Variants in MAP7 observed in about 807,000 individuals in gnomAD.
The protein encoded by MAP7 is microtubule associated protein 7.
MAP7 carries 52 observed loss-of-function variants against 94.8 expected under a neutral mutation model. The observed-to-expected ratio is 0.55, with a 90% CI of 0.44 to 0.69. MAP7 has a LOEUF of 0.69. Among genes scored for constraint, MAP7 ranks in the 30% least tolerant of loss-of-function variants. The pLI is 0.00. For missense variants in MAP7, 940 were observed against 964.6 expected, an observed-to-expected ratio of 0.97 and a Z score of 0.34; for synonymous variants, 350 against 357.0, an observed-to-expected ratio of 0.98 and a Z score of 0.22.
At chr6:136,408,110 C>CA (rs1313255067) in intron 3 of MAP7, among the ~76,000 whole-genome samples, 2 of 151,614 alleles carry the variant, frequency 1.3e-5, no homozygotes, top group Non-Finnish European at 1.5e-5. Context: ...CCTTGGAAAA[C>CA]AAAAAATAAA....
intron 3 of MAP7, among the ~76,000 whole-genome samples, chr6:136,403,346 A>G (rs1423414386): frequency 6.6e-6 from 1 of 152,144 alleles, no homozygotes; most frequent in Non-Finnish European, 1.5e-5. Flanking sequence ...CTTTGCAGCC[A>G]CTCTATGAGG....
intron 16 of MAP7, among the ~76,000 whole-genome samples, chr6:136,354,357 T>C (rs960909621): frequency 2.8e-5 from 4 of 144,272 alleles, no homozygotes; most frequent in Admixed American, 7.1e-5. Context: ...AGGAAATATA[T>C]ATATAGTAGA....
chr6:136,478,712 C>T lies in MAP7; in HGVS notation c.68-56913G>A, dbSNP rs897208299. Among the ~76,000 whole-genome samples the T allele has an allele frequency of 2.0e-5, 3 of 151,742 alleles. No individual in the cohort carries two copies. In the South Asian group the frequency reaches 6.2e-4, roughly 31 times the overall value. ...ATACCTAGAAGAAATGGATAAATTC[C>T]TAGACACACAAATCTACCAAAGTTG... On this transcript the variant is annotated intron_variant, in intron 1 of 17. Coordinates refer to ENST00000354570, the MANE Select transcript of MAP7 (RefSeq NM_003980.6).
chr6:136,507,035 T>C (rs913317452), intron 1 of MAP7, among the ~76,000 whole-genome samples: 1 of 152,156 alleles, frequency 6.6e-6, no homozygotes, highest in Non-Finnish European at 1.5e-5. Flanking sequence ...CCCCGGAGTC[T>C]CCAAATCTGC....
At chr6:136,485,303 T>A (rs941211220) in intron 1 of MAP7, among the ~76,000 whole-genome samples, 1 of 152,212 alleles carries the variant, frequency 6.6e-6, no homozygotes, top group Admixed American at 6.5e-5. Context: ...ACTTTACAAA[T>A]GTCATTACAT....
At chr6:136,358,700 G>A (rs1791672344) in intron 15 of MAP7, among the ~76,000 whole-genome samples, 1 of 152,156 alleles carries the variant, frequency 6.6e-6, no homozygotes, top group Non-Finnish European at 1.5e-5. Context: ...GCTTTTGTTT[G>A]TAAACAGAAA....
chr6:136,360,061 A>G, intron 13 of MAP7, 30 bp from the exon 14 acceptor site: 1 of 1,571,680 alleles, frequency 6.4e-7, no homozygotes, highest in Non-Finnish European at 8.6e-7. Context: ...GAGCAAGAAG[A>G]TTAGACACAG....
chr6:136,512,985 C>A (rs1823711474), intron 1 of MAP7, among the ~76,000 whole-genome samples: 1 of 143,386 alleles, frequency 7.0e-6, no homozygotes, highest in Non-Finnish European at 1.5e-5. Context: ...GCTTGTGATA[C>A]CACACCAAGC....
intron 1 of MAP7, among the ~76,000 whole-genome samples, chr6:136,451,733 G>A (rs1801187733): frequency 6.6e-6 from 1 of 152,154 alleles, no homozygotes; most frequent in Admixed American, 6.6e-5. Context: ...ATGGCAGGAG[G>A]TCAAAAATGT....
At chr6:136,537,549 A>G (rs1041368886) in intron 1 of MAP7, among the ~76,000 whole-genome samples, 3 of 152,180 alleles carry the variant, frequency 2.0e-5, no homozygotes, top group Admixed American at 2.0e-4. Flanking sequence ...GGATATTGGG[A>G]TGGGTTTATT....
At chr6:136,397,897 T>C (rs1257161252) in intron 3 of MAP7, among the ~76,000 whole-genome samples, 1 of 152,178 alleles carries the variant, frequency 6.6e-6, no homozygotes, top group African/African-American at 2.4e-5. Context: ...AAAAATGAAC[T>C]GTGATTAATA....
chr6:136,405,234 C>T (rs184506399), intron 3 of MAP7, among the ~76,000 whole-genome samples: 3 of 152,300 alleles, frequency 2.0e-5, no homozygotes, highest in East Asian at 3.9e-4. Flanking sequence ...CCCTTCCCTT[C>T]CAGAGCTTAT....
intron 8 of MAP7, among the ~76,000 whole-genome samples, chr6:136,366,677 G>T (rs1050697816): frequency 6.6e-6 from 1 of 152,154 alleles, no homozygotes; most frequent in Non-Finnish European, 1.5e-5. Flanking sequence ...AGTCATATTT[G>T]TCAAAAAGCA....
At chr6:136,412,900 C>A (rs1787943045) in intron 2 of MAP7, among the ~76,000 whole-genome samples, 1 of 152,214 alleles carries the variant, frequency 6.6e-6, no homozygotes, top group Non-Finnish European at 1.5e-5. Context: ...GTGGCTCACA[C>A]CTGTAATCCT....
intron 1 of MAP7, among the ~76,000 whole-genome samples, chr6:136,464,612 G>A (rs1021285160): frequency 5.9e-5 from 9 of 152,334 alleles, no homozygotes; most frequent in Admixed American, 2.6e-4. Flanking sequence ...ATGGATGGAA[G>A]GACTACTGTA....
chr6:136,456,514 A>G (rs370330437), intron 1 of MAP7, among the ~76,000 whole-genome samples: 6 of 151,806 alleles, frequency 4.0e-5, no homozygotes, highest in Non-Finnish European at 8.8e-5. Flanking sequence ...TCTACAAATA[A>G]TAACAAAATT....
Position 136,366,395 on chromosome 6 carries a change from T to G in MAP7, c.921A>C (p.Thr307=). Reference sequence around the variant, plus strand: ...GAGATACAGCCCTTCGGGTGCCAGATGTGAGGAAGAGTACATTTTCTCTCT... The same window carrying G: ...GAGATACAGCCCTTCGGGTGCCAGAGGTGAGGAAGAGTACATTTTCTCTCT... ...ERERENVLFL[T]SGTRRAVSPS... is the part of the protein sequence containing the mutation. The change falls in exon 9 of 18, where the codon ACA becomes ACC. Residue 307 remains threonine (T), a synonymous_variant. Coordinates refer to ENST00000354570, the MANE Select transcript of MAP7 (RefSeq NM_003980.6). 1.2e-6 allele frequency: 2 copies of G among 1,614,200 alleles called. No individual in the cohort carries two copies. The highest frequency in any genetic ancestry group is 1.7e-6 in the Non-Finnish European group (2 of 1,180,012).
At position 136,365,833 on chromosome 6, in the gene MAP7, A is replaced by G; in HGVS notation, c.1175T>C (p.Val392Ala). 1 of 1,614,072 alleles carries G rather than the reference A, an allele frequency of 6.2e-7. No homozygotes were observed. The highest frequency in any genetic ancestry group is 8.5e-7 in the Non-Finnish European group (1 of 1,180,018). ...KKDPEKEPQK[V>A]ANEPSLKGRA... ...GCCCTTTAGTGAGGGCTCATTGGCA[A>G]CTTTCTGAGGTTCCTTCTCAGGATC... The change falls in exon 10 of 18, where the codon GTT becomes GCT. Residue 392 changes from valine to alanine, a missense_variant. Transcript: ENST00000354570.
At chr6:136,441,347 GT>G (rs1421443891) in intron 1 of MAP7, among the ~76,000 whole-genome samples, 1 of 152,078 alleles carries the variant, frequency 6.6e-6, no homozygotes. Flanking sequence ...CTATGGTACT[GT>G]GTTTACATTG....
Sources: allele counts gnomAD v4.1 joint callset (sites outside exome capture counted in the v4.1 genomes callset), GRCh38; gene constraint gnomAD v4.1.1; transcripts MANE v1.5; gene names NCBI Gene and HGNC (gene_info 2026-07-23, HGNC 2026-07-21).